PCSK7: variants seen among roughly 807,000 people sequenced by gnomAD.
The protein encoded by PCSK7 is lymphoma proprotein convertase.
In PCSK7, 38 loss-of-function variants were observed where a neutral mutation model predicts 73.3. The ratio of observed to expected loss-of-function variants is 0.52; its 90% CI spans 0.40 to 0.68. The LOEUF (loss-of-function observed/expected upper bound fraction) is 0.68, where lower values mean the gene tolerates loss of function less well. Among genes scored for constraint, PCSK7 ranks in the 30% least tolerant of loss-of-function variants. The pLI is 0.00. For synonymous variants in PCSK7, 296 were observed against 383.8 expected (o/e 0.77, Z 2.68); for missense variants, 692 against 991.5 (o/e 0.70, Z 4.06).
chr11:117,204,412 C>G lies in PCSK7; in HGVS notation c.*1585G>C. 1 of 1,612,654 alleles carries G rather than the reference C, an allele frequency of 6.2e-7. No homozygotes were observed. On this transcript the variant is annotated 3_prime_UTR_variant, in exon 17 of 17. Coordinates refer to ENST00000320934, the MANE Select transcript of PCSK7 (RefSeq NM_004716.4). ...CCCTCCCCCAGCTCCTTGGCTGCAG[C>G]CATCCCGCTTAGCCTGCCTCACCCA... is the stretch of plus-strand genomic sequence containing the variant.
chr11:117,215,374 G>GTA (rs1565307896), intron 12 of PCSK7: 10 of 59,838 alleles, frequency 1.7e-4, no homozygotes, highest in African/African-American at 7.5e-4. Flanking sequence ...TTGTGTGTGT[G>GTA]TGTGTGTATA....
At chr11:117,230,700 C>T (rs1461080746) in intron 1 of PCSK7, among the ~76,000 whole-genome samples, 29 of 152,152 alleles carry the variant, frequency 1.9e-4, no homozygotes, top group Admixed American at 1.9e-3. Flanking sequence ...TTTTGTTCCC[C>T]AGAGGCCTAG....
Position 117,229,808 on chromosome 11 carries a change from C to A in PCSK7, c.37G>T (p.Ala13Ser). 6.3e-7 allele frequency: 1 copy of A among 1,591,970 alleles called. No individual in the cohort carries two copies. Among genetic ancestry groups the A allele is most frequent in the Admixed American group, 1.8e-5 (1 of 56,770 alleles). Residue 13 changes from alanine to serine, a missense_variant, in exon 3 of 17, where the codon GCC becomes TCC. By Grantham distance (99) the Ala-to-Ser change is moderately conservative (BLOSUM62 1). Around this residue, in one of 6 missense-constraint regions of PCSK7, gnomAD observed 574 missense variants for 689.8 expected, o/e 0.83. Transcript: ENST00000320934. ...KGRQKVPHLD[A>S]PLGLPTCLWL... ...AGGCAGGTGGGCAGGCCCAGGGGGGCATCCAAGTGTGGCACTTTCTGCCTC... is the reference window on the plus strand; with the variant it reads ...AGGCAGGTGGGCAGGCCCAGGGGGGAATCCAAGTGTGGCACTTTCTGCCTC...
chr11:117,228,344 G>A lies in PCSK7; in HGVS notation c.475C>T (p.Arg159Ter), dbSNP rs758474960. 39 of 1,613,752 alleles carry A rather than the reference G, an allele frequency of 2.4e-5. No homozygotes were observed. The highest frequency in any genetic ancestry group is 3.1e-5 in the Non-Finnish European group (37 of 1,179,808). Residue 159 changes from arginine (R) to a stop codon, truncating the protein, a stop_gained, in exon 4 of 17, where the codon CGA becomes TGA. Coordinates refer to ENST00000320934, the MANE Select transcript of PCSK7 (RefSeq NM_004716.4). LOFTEE classifies it high-confidence loss of function. ...TTGATGTCCCTGCCCGGGCTCCGTC[G>A]GTTATTCTGTAAGAGAGACAGGATG... ...KYPQQWHLNN[R>*]RSPGRDINVT...
rs377503589 is a variant in PCSK7 at position 117,226,042 on chromosome 11, C to T, written c.770-21G>A. The T allele has an allele frequency of 2.5e-5, 34 of 1,333,898 alleles. No individual in the cohort carries two copies. In the African/African-American group the frequency reaches 4.9e-4, roughly 19 times the overall value. 82.6% of individuals were successfully genotyped at this position (1,333,898 alleles called of 1,614,324 possible). On this transcript the variant is annotated intron_variant, in intron 5 of 16. Coordinates refer to ENST00000320934, the MANE Select transcript of PCSK7 (RefSeq NM_004716.4). Reference sequence around the variant, plus strand: ...GATACCTAGGCAATGAAGGCCACAGCAGCTCCTCACTAATGCTGGTCTCCT... The same window carrying T: ...GATACCTAGGCAATGAAGGCCACAGTAGCTCCTCACTAATGCTGGTCTCCT...
At chr11:117,212,185 CTTTT>C (rs941970651) in intron 12 of PCSK7, 1 of 151,004 alleles carries the variant, frequency 6.6e-6, no homozygotes, top group Non-Finnish European at 1.5e-5. Flanking sequence ...CAGAAGCAAA[CTTTT>C]TTTTTATTGT....
chr11:117,229,225 G>T (rs4938361), intron 3 of PCSK7, 152 bp downstream of exon 3: 3 of 691,002 alleles, frequency 4.3e-6, no homozygotes, highest in Non-Finnish European at 7.4e-6. Context: ...ACAGTAGAAG[G>T]GAGGGAGAGC....
At chr11:117,231,375 C>T (rs1428406628) in intron 1 of PCSK7, among the ~76,000 whole-genome samples, 10 of 152,172 alleles carry the variant, frequency 6.6e-5, no homozygotes, top group Non-Finnish European at 1.5e-4. Context: ...TCAATCCCTC[C>T]CTGCCCCCGG....
At chr11:117,228,386 T>A (rs373402928) in intron 3 of PCSK7, 36 bp from the exon 4 acceptor site, 2 of 1,604,638 alleles carry the variant, frequency 1.2e-6, no homozygotes, top group Non-Finnish European at 1.7e-6. Flanking sequence ...CAGTGACACA[T>A]AGCACAGCCC....
chr11:117,213,425 G>A (rs2031817521), intron 12 of PCSK7: 1 of 152,168 alleles, frequency 6.6e-6, no homozygotes, highest in Admixed American at 6.5e-5. Context: ...ACACGAATGG[G>A]AAAATCTTAG....
intron 12 of PCSK7, chr11:117,212,715 CT>C (rs58988485): frequency 0.4 from 50,116 of 124,432 alleles, 9,322 homozygotes; most frequent in East Asian, 0.61. Context: ...CCGGCCTTTT[CT>C]TTTTTTTTTT....
chr11:117,215,364 T>TTGTGTGTGTGTGTGTGTGTGTGTGTGTG (rs778828914), intron 12 of PCSK7: 2 of 84,902 alleles, frequency 2.4e-5, no homozygotes, highest in African/African-American at 1.5e-4. Context: ...CCTGGCTAAT[T>TTGTGTGTGTGTGTGTGTGTGTGTGTGTG]TGTGTGTGTG....
At chr11:117,226,156 G>A (rs74692610) in intron 5 of PCSK7, 135 bp from the exon 6 acceptor site, 2 of 561,272 alleles carry the variant, frequency 3.6e-6, no homozygotes, top group Admixed American at 6.0e-5. Flanking sequence ...TTTTTTTTTT[G>A]AGATAAAGTC....
Position 117,229,655 on chromosome 11 carries a change from C to G in PCSK7, c.190G>C (p.Asp64His). 1 of 1,613,952 alleles carries G rather than the reference C, an allele frequency of 6.2e-7. No individual in the cohort carries two copies. Residue 64 changes from aspartate (D) to histidine (H), a missense_variant, in exon 3 of 17, where the codon GAC becomes CAC. By Grantham distance (81) the Asp-to-His change is moderately conservative. Transcript: ENST00000320934. ...WAVHLESLEG[D>H]GEEETLEQQA... ...TGCTCCAGAGTCTCTTCCTCCCCGT[C>G]ACCTTCCAGGCTTTCCAGGTGCACA...
intron 12 of PCSK7, chr11:117,210,005 T>C (rs1028209865): frequency 1.3e-5 from 2 of 152,426 alleles, no homozygotes; most frequent in African/African-American, 4.8e-5. Context: ...AAAGGAGTCT[T>C]GTGATAATGG....
chr11:117,228,610 T>C (rs1046145896), intron 3 of PCSK7, among the ~76,000 whole-genome samples: 2 of 149,940 alleles, frequency 1.3e-5, no homozygotes, highest in African/African-American at 2.5e-5. Context: ...GATGATACAC[T>C]TCTTTTTTTT....
At chr11:117,223,959 A>G in intron 8 of PCSK7, 119 bp downstream of exon 8, 4 of 1,076,630 alleles carry the variant, frequency 3.7e-6, no homozygotes, top group Non-Finnish European at 5.6e-6. Context: ...GTCCTATCTG[A>G]GCCCAAAGAG....
rs750606551 is a variant in PCSK7 at position 117,218,566 on chromosome 11, G to C, written c.1434C>G (p.Ile478Met). ...ATGCTAAGTAAGGGACAGATGTCCA[G>C]ATCTATGAAAGGAAAGGAGGGGATG... is the stretch of plus-strand genomic sequence containing the variant. ...NAWRLVNAAK[I>M]WTSVPYLASY... The change falls in exon 12 of 17, where the codon ATC becomes ATG. Residue 478 changes from isoleucine (I) to methionine (M), a missense_variant and splice_region_variant. Ile to Met is a conservative substitution (Grantham distance 10). Coordinates refer to ENST00000320934, the MANE Select transcript of PCSK7 (RefSeq NM_004716.4). This position sits in a 1 kb window ranked among gnomAD's most constrained non-coding sequence, Gnocchi z 4.0. The C allele has an allele frequency of 3.8e-6, 6 of 1,573,334 alleles. No individual in the cohort carries two copies. The African/African-American group carries it at 8.2e-5, about 21-fold the overall frequency.
chr11:117,229,695 C>T lies in PCSK7; in HGVS notation c.150G>A (p.Gly50=). Residue 50 remains glycine, a synonymous_variant, in exon 3 of 17, where the codon GGG becomes GGA. Transcript: ENST00000320934. ...CCAGGTGCACAGCCCAGCTCGGCCC[C>T]CCTGTGCCCTGGCCATCAGGCCCAC... ...GTGGPDGQGT[G]GPSWAVHLES... is the part of the protein sequence containing the mutation. 6.2e-7 allele frequency: 1 copy of T among 1,613,878 alleles called. No individual in the cohort carries two copies. Among genetic ancestry groups the T allele is most frequent in the Non-Finnish European group, 8.5e-7 (1 of 1,179,798 alleles).
Sources: allele counts gnomAD v4.1 joint callset (sites outside exome capture counted in the v4.1 genomes callset), GRCh38; gene constraint gnomAD v4.1.1; regional missense constraint gnomAD v4.1.1; non-coding constraint Gnocchi (gnomAD v3.1); transcripts MANE v1.5; gene names NCBI Gene and HGNC (gene_info 2026-07-23, HGNC 2026-07-21).